Variants in CEP128 observed in about 807,000 individuals in gnomAD.
CEP128 encodes centrosomal protein 128kDa.
Under a neutral mutation model 156.7 loss-of-function variants are expected in CEP128, and 132 were observed. The observed-to-expected ratio is 0.84, with a 90% confidence interval of 0.73 to 0.97. The LOEUF (loss-of-function observed/expected upper bound fraction) is 0.97, where lower values mean the gene tolerates loss of function less well. CEP128 is among the 50% of genes least tolerant of loss of function. The pLI is 0.00. For synonymous variants in CEP128, 469 were observed against 448.9 expected, an observed-to-expected ratio of 1.04 and a Z score of -0.57; for missense variants, 1,252 against 1,281.9, an observed-to-expected ratio of 0.98 and a Z score of 0.36.
At chr14:80,614,573 C>G (rs537421212) in intron 19 of CEP128, among the ~76,000 whole-genome samples, 1 of 152,198 alleles carries the variant, frequency 6.6e-6, no homozygotes, top group African/African-American at 2.4e-5. Flanking sequence ...CTAATTTCTG[C>G]TCTCATGTCC....
chr14:80,858,144 T>G (rs1184558121), intron 9 of CEP128, among the ~76,000 whole-genome samples: 3 of 151,504 alleles, frequency 2.0e-5, no homozygotes, highest in African/African-American at 7.3e-5. Context: ...GACTTCAAAC[T>G]ATACTACAAG....
chr14:80,516,631 A>T (rs2140234360), intron 23 of CEP128, among the ~76,000 whole-genome samples: 1 of 152,294 alleles, frequency 6.6e-6, no homozygotes, highest in Middle Eastern at 3.4e-3. Flanking sequence ...ATCAGGATGC[A>T]TGATTCCCTT....
At chr14:80,732,344 G>C (rs2139531469) in intron 19 of CEP128, among the ~76,000 whole-genome samples, 1 of 152,236 alleles carries the variant, frequency 6.6e-6, no homozygotes, top group Admixed American at 6.5e-5. Flanking sequence ...AAAAATGGTA[G>C]GACTTTTGTA....
rs1385800644 is a variant in CEP128, at chr14:80,700,498, T to A, written c.2806+42577A>T. ...TGGTAGAAAATAAACCAAAGAATAATACACATCTATCACGTTATTCATTGA... is the reference window on the plus strand; with the variant it reads ...TGGTAGAAAATAAACCAAAGAATAAAACACATCTATCACGTTATTCATTGA... On this transcript the variant is annotated intron_variant, in intron 19 of 24. Coordinates refer to ENST00000555265, the MANE Select transcript of CEP128 (RefSeq NM_152446.5). Among the ~76,000 whole-genome samples the A allele has an allele frequency of 2.0e-5, 3 of 151,874 alleles. No individual in the cohort carries two copies. The East Asian group carries it at 5.8e-4, about 29-fold the overall frequency.
At chr14:80,715,890 C>A (rs912161211) in intron 19 of CEP128, among the ~76,000 whole-genome samples, 15 of 152,116 alleles carry the variant, frequency 9.9e-5, no homozygotes, top group African/African-American at 3.6e-4. Context: ...GCGCTTAGAA[C>A]AATGCTTGGC....
chr14:80,527,141 G>C, intron 22 of CEP128, 159 bp from the exon 23 acceptor site: 1 of 554,204 alleles, frequency 1.8e-6, no homozygotes, highest in South Asian at 2.3e-5. Flanking sequence ...CATAGAGAAA[G>C]AAGAAGGCTA....
intron 2 of CEP128, among the ~76,000 whole-genome samples, chr14:80,917,882 T>A (rs995907558): frequency 6.6e-6 from 1 of 152,064 alleles, no homozygotes; most frequent in Non-Finnish European, 1.5e-5. Flanking sequence ...TAAGGTTAGG[T>A]TTTTTTTAAA....
chr14:80,497,296 T>C lies in CEP128; in HGVS notation c.*183A>G. 3.7e-6 allele frequency: 2 copies of C among 536,810 alleles called. No individual in the cohort carries two copies. The highest frequency in any genetic ancestry group is 5.5e-5 in the South Asian group (2 of 36,332). The allele number at this position is 536,810 out of a possible 1,614,324, so 33.3% of individuals were successfully genotyped here. A position where few individuals can be genotyped will look rare whatever the true frequency, so the allele number is the denominator to read the frequency against. Reference sequence around the variant, plus strand: ...CTGCACATCATTCATGATCTGATATTATTTGGATTGGTTTACCATTCACAA... The same window carrying C: ...CTGCACATCATTCATGATCTGATATCATTTGGATTGGTTTACCATTCACAA... On this transcript the variant is annotated 3_prime_UTR_variant, in exon 25 of 25. Transcript: ENST00000555265.
At chr14:80,821,708 C>T (rs778366999) in intron 13 of CEP128, among the ~76,000 whole-genome samples, 1 of 151,432 alleles carries the variant, frequency 6.6e-6, no homozygotes, top group South Asian at 2.1e-4. Flanking sequence ...TGAAGTCTTG[C>T]TCTTCCACCC....
chr14:80,724,041 T>C lies in CEP128; in HGVS notation c.2806+19034A>G, dbSNP rs540352407. Among the ~76,000 whole-genome samples the C allele has an allele frequency of 2.7e-4, 41 of 152,326 alleles. No homozygotes were observed. In the Middle Eastern group the frequency reaches 0.01, roughly 38 times the overall value. On this transcript the variant is annotated intron_variant, in intron 19 of 24. Coordinates refer to ENST00000555265, the MANE Select transcript of CEP128 (RefSeq NM_152446.5). ...TAAAACTGTTATCCTCATTTAATAATTGAGTACCATAACAAACCAGACAAG... is the reference window on the plus strand; with the variant it reads ...TAAAACTGTTATCCTCATTTAATAACTGAGTACCATAACAAACCAGACAAG...
chr14:80,607,390 G>C (rs1892827229), intron 19 of CEP128, among the ~76,000 whole-genome samples: 1 of 152,048 alleles, frequency 6.6e-6, no homozygotes, highest in Admixed American at 6.6e-5. Context: ...TAATTCAAAA[G>C]AAAATATAGG....
intron 19 of CEP128, among the ~76,000 whole-genome samples, chr14:80,627,020 A>G (rs1398318329): frequency 2.6e-5 from 4 of 152,198 alleles, no homozygotes. Flanking sequence ...TTTCTTTTAT[A>G]TTCCATACAG....
In CEP128 at chr14:80,909,403, A is replaced by ACACGCG. The variant is rs34728272; in HGVS notation, c.235-3323_235-3322insCGCGTG. On this transcript the variant is annotated intron_variant, in intron 4 of 24. Coordinates refer to ENST00000555265, the MANE Select transcript of CEP128 (RefSeq NM_152446.5). ...CACACACACACACACACACACACACACGCAAACTCCCTGCCACCAAAAGAA... is the reference window on the plus strand; with the variant it reads ...CACACACACACACACACACACACACACACGCGCGCAAACTCCCTGCCACCAAAAGAA... Among the ~76,000 whole-genome samples, 8 of 150,704 alleles carry ACACGCG rather than the reference A, an allele frequency of 5.3e-5. No homozygotes were observed. In the South Asian group the frequency reaches 6.3e-4, roughly 12 times the overall value.
intron 19 of CEP128, among the ~76,000 whole-genome samples, chr14:80,621,942 T>C (rs1893497387): frequency 6.6e-6 from 1 of 152,062 alleles, no homozygotes; most frequent in Non-Finnish European, 1.5e-5. Flanking sequence ...ATTAGACCTT[T>C]TGGCTTTTGG....
intron 19 of CEP128, chr14:80,742,863 C>T: frequency 1.9e-6 from 1 of 522,622 alleles, no homozygotes; most frequent in South Asian, 2.4e-5. Flanking sequence ...CCAGTAAATG[C>T]AGTTATCATA....
At chr14:80,791,078 A>C (rs1199612994) in intron 14 of CEP128, among the ~76,000 whole-genome samples, 1 of 152,198 alleles carries the variant, frequency 6.6e-6, no homozygotes. Flanking sequence ...TGAGAATTAA[A>C]TATCCCTTTG....
intron 21 of CEP128, among the ~76,000 whole-genome samples, chr14:80,544,703 C>G (rs1321436918): frequency 6.6e-6 from 1 of 152,144 alleles, no homozygotes; most frequent in Non-Finnish European, 1.5e-5. Flanking sequence ...TAACATCCTT[C>G]TATGTGATTC....
At chr14:80,776,713 C>T (rs1900813871) in intron 16 of CEP128, among the ~76,000 whole-genome samples, 1 of 152,038 alleles carries the variant, frequency 6.6e-6, no homozygotes, top group Non-Finnish European at 1.5e-5. Flanking sequence ...TGATTGAGCA[C>T]ATACGTGCAT....
chr14:80,922,910 A>T (rs933552366), intron 2 of CEP128, among the ~76,000 whole-genome samples: 2 of 152,224 alleles, frequency 1.3e-5, no homozygotes, highest in African/African-American at 4.8e-5. Context: ...TTTCAATTGG[A>T]GAAAAAGCAG....
Sources: gnomAD v4.1 joint callset for allele counts (sites outside exome capture counted in the v4.1 genomes callset) on GRCh38, gnomAD v4.1.1 for gene constraint, MANE v1.5 for transcripts, NCBI Gene and HGNC (gene_info 2026-07-23, HGNC 2026-07-21) for gene names.